KIF1B: variants seen among roughly 807,000 people sequenced by gnomAD.
KIF1B encodes kinesin-like protein KIF1B.
KIF1B carries 76 observed loss-of-function variants against 241.9 expected under a neutral mutation model. That is an observed-to-expected ratio of 0.31 (90% CI 0.26 to 0.38). KIF1B has a LOEUF of 0.38. KIF1B is among the 10% of genes least tolerant of loss of function. The pLI is 1.00. For missense variants in KIF1B, 1,622 were observed against 2,271.4 expected, an observed-to-expected ratio of 0.71 and a Z score of 5.81; for synonymous variants, 750 against 796.7, an observed-to-expected ratio of 0.94 and a Z score of 0.99.
intron 22 of KIF1B, among the ~76,000 whole-genome samples, chr1:10,297,690 G>A (rs748108539): frequency 1.3e-5 from 2 of 151,690 alleles, no homozygotes; most frequent in African/African-American, 2.4e-5. Context: ...TTGTTCTTAC[G>A]CTGGGCAGAC....
chr1:10,332,816 CT>C (rs1282004408), intron 27 of KIF1B, among the ~76,000 whole-genome samples: 221 of 111,464 alleles, frequency 2.0e-3, no homozygotes, highest in Non-Finnish European at 1.8e-3. Context: ...CGCCTGGCCT[CT>C]TTTTTTTTTT....
intron 22 of KIF1B, among the ~76,000 whole-genome samples, chr1:10,312,644 T>G (rs1384451347): frequency 6.6e-6 from 1 of 151,500 alleles, no homozygotes; most frequent in Non-Finnish European, 1.5e-5. Flanking sequence ...CCTTTCCATT[T>G]CAGGACCTTG....
chr1:10,274,859 A>G, intron 10 of KIF1B: 1 of 315,146 alleles, frequency 3.2e-6, no homozygotes. Flanking sequence ...TAAGTGTGAT[A>G]ATGGTCCTGT....
Position 10,365,276 on chromosome 1 carries a change from G to A in KIF1B, c.4512+31G>A. On this transcript the variant is annotated intron_variant, in intron 42 of 48. Transcript: ENST00000676179. The surrounding 1 kb of genome is among the most constrained non-coding windows in gnomAD (Gnocchi z 4.0). ...CAGGGGCAGGGTTGTTCAGATGCAA[G>A]AACTCTCGGACAAGATTGCCAAAGT... 6.2e-7 allele frequency: 1 copy of A among 1,613,632 alleles called. No individual in the cohort carries two copies. Among genetic ancestry groups the A allele is most frequent in the Non-Finnish European group, 8.5e-7 (1 of 1,179,758 alleles).
At chr1:10,341,179 A>T (rs1019328337) in intron 32 of KIF1B, among the ~76,000 whole-genome samples, 1 of 152,278 alleles carries the variant, frequency 6.6e-6, no homozygotes, top group Non-Finnish European at 1.5e-5. Context: ...GCAAAGATGA[A>T]CATGAGAAAA....
At chr1:10,372,686 G>A (rs528816662) in intron 45 of KIF1B, among the ~76,000 whole-genome samples, 2 of 131,744 alleles carry the variant, frequency 1.5e-5, no homozygotes, top group African/African-American at 5.8e-5. Flanking sequence ...CTGGCGCGCA[G>A]CGGCGCAATC....
rs1317439961 is a variant in KIF1B at position 10,304,589 on chromosome 1, G to A, written c.2115+7343G>A. On this transcript the variant is annotated intron_variant, in intron 22 of 48. Coordinates refer to ENST00000676179, the MANE Select transcript of KIF1B (RefSeq NM_001365951.3). ...TGTAGCCAGTTTGTGACACCTCCGC[G>A]GATGAGGAGACAGTTCTCAGCACCC... 37 of 1,613,972 alleles carry A rather than the reference G, an allele frequency of 2.3e-5. No individual in the cohort carries two copies. In the East Asian group the frequency reaches 3.1e-4, roughly 14 times the overall value.
rs17034714 is a variant in KIF1B, at chr1:10,310,069, A to G, written c.2116-9974A>G. Reference sequence around the variant, plus strand: ...ACTGTTTTAATAATGATGGCCTGTAATTATCTTTTCTTTGTATTTGTTTGG... The same window carrying G: ...ACTGTTTTAATAATGATGGCCTGTAGTTATCTTTTCTTTGTATTTGTTTGG... On this transcript the variant is annotated intron_variant, in intron 22 of 48. Coordinates refer to ENST00000676179, the MANE Select transcript of KIF1B (RefSeq NM_001365951.3). 7.1e-3 allele frequency among the ~76,000 whole-genome samples: 1,073 copies of G among 151,542 alleles called. 59 individuals are homozygous for G. Among genetic ancestry groups the G allele is most frequent in the Middle Eastern group, 0.037 (11 of 294 alleles).
At chr1:10,311,560 A>T (rs1310749084) in intron 22 of KIF1B, among the ~76,000 whole-genome samples, 1 of 151,108 alleles carries the variant, frequency 6.6e-6, no homozygotes, top group Non-Finnish European at 1.5e-5. Context: ...GCTGGAACTC[A>T]TCTAGTCAGA....
intron 11 of KIF1B, 37 bp from the exon 12 acceptor site, chr1:10,276,279 CTAAAA>C: frequency 7.2e-7 from 1 of 1,386,490 alleles, no homozygotes; most frequent in Non-Finnish European, 1.0e-6. Flanking sequence ...AATTTTTCTT[CTAAAA>C]TGAGTGTGAT....
At chr1:10,268,095 A>G in intron 6 of KIF1B, 57 bp from the exon 7 acceptor site, 4 of 1,118,194 alleles carry the variant, frequency 3.6e-6, no homozygotes, top group Non-Finnish European at 5.4e-6. Context: ...CCTGCTGTCC[A>G]TTTCAACTCT....
At chr1:10,327,225 G>T (rs989464633) in intron 27 of KIF1B, among the ~76,000 whole-genome samples, 1 of 152,012 alleles carries the variant, frequency 6.6e-6, no homozygotes, top group Non-Finnish European at 1.5e-5. Flanking sequence ...ATTAGGCTGG[G>T]TGTGGTGGCT....
At chr1:10,316,255 T>C (rs540200652) in intron 22 of KIF1B, among the ~76,000 whole-genome samples, 2 of 151,406 alleles carry the variant, frequency 1.3e-5, no homozygotes, top group East Asian at 3.9e-4. Flanking sequence ...AAAAGATTGC[T>C]ATAATGGTGA....
At chr1:10,328,852 T>C (rs1194938186) in intron 27 of KIF1B, among the ~76,000 whole-genome samples, 1 of 152,202 alleles carries the variant, frequency 6.6e-6, no homozygotes, top group Non-Finnish European at 1.5e-5. Flanking sequence ...GTAAAGTGAA[T>C]AACAGGTAGA....
At chr1:10,293,213 G>T (rs1020925282) in intron 17 of KIF1B, among the ~76,000 whole-genome samples, 5 of 151,916 alleles carry the variant, frequency 3.3e-5, no homozygotes, top group Non-Finnish European at 5.9e-5. Context: ...ATTATGAAAG[G>T]TTAGTGGTTT....
chr1:10,299,239 G>C (rs1347325461), intron 22 of KIF1B, among the ~76,000 whole-genome samples: 1 of 134,136 alleles, frequency 7.5e-6, no homozygotes, highest in Admixed American at 7.7e-5. Context: ...TAAAGAGAAA[G>C]TGAATGTCTA....
At chr1:10,338,325 G>A (rs1192511922) in intron 31 of KIF1B, among the ~76,000 whole-genome samples, 1 of 152,116 alleles carries the variant, frequency 6.6e-6, no homozygotes, top group African/African-American at 2.4e-5. Context: ...TAAAGCTTTT[G>A]TATAGGTTTT....
In KIF1B at chr1:10,337,665, A is replaced by T; in HGVS notation, c.3422+132A>T. On this transcript the variant is annotated intron_variant, in intron 31 of 48. Transcript: ENST00000676179. This position sits in a 1 kb window ranked among gnomAD's most constrained non-coding sequence, Gnocchi z 4.0. ...AAAGACTGATCAGTCTCTGAAGGAA[A>T]ATACTTTCATCACTCCTATGGGAGT... 9.7e-7 allele frequency: 1 copy of T among 1,035,702 alleles called. No homozygotes were observed. Among genetic ancestry groups the T allele is most frequent in the Non-Finnish European group, 1.4e-6 (1 of 690,692 alleles). 64.2% of individuals were successfully genotyped at this position (1,035,702 alleles called of 1,614,324 possible). A position where few individuals can be genotyped will look rare whatever the true frequency, so the allele number is the denominator to read the frequency against.
chr1:10,303,095 T>A lies in KIF1B; in HGVS notation c.2115+5849T>A. 1 of 1,546,706 alleles carries A rather than the reference T, an allele frequency of 6.5e-7. No individual in the cohort carries two copies. The highest frequency in any genetic ancestry group is 8.7e-7 in the Non-Finnish European group (1 of 1,146,826). ...TTTTTTGCTTGCTTTTTCTTCGATT[T>A]AATTTTCCTTTTTTACATTTTAATT... On this transcript the variant is annotated intron_variant, in intron 22 of 48. Coordinates refer to ENST00000676179, the MANE Select transcript of KIF1B (RefSeq NM_001365951.3). The surrounding 1 kb of genome is among the most constrained non-coding windows in gnomAD (Gnocchi z 5.2).
Sources: gnomAD v4.1 joint callset for allele counts (sites outside exome capture counted in the v4.1 genomes callset) on GRCh38, gnomAD v4.1.1 for gene constraint, Gnocchi (gnomAD v3.1) non-coding constraint, MANE v1.5 for transcripts, NCBI Gene and HGNC (gene_info 2026-07-23, HGNC 2026-07-21) for gene names.